The following SSH2 variants were observed in gnomAD, a reference collection of about 807,000 sequenced individuals.
SSH2 encodes protein phosphatase Slingshot homolog 2.
In SSH2, 37 loss-of-function variants were observed where a neutral mutation model predicts 135.2. That is an observed-to-expected ratio of 0.27 (90% confidence interval 0.21 to 0.36). The LOEUF is 0.36. Among genes scored for constraint, SSH2 ranks in the 10% least tolerant of loss-of-function variants. SSH2 has a pLI of 1.00. For synonymous variants in SSH2, 628 were observed against 646.2 expected (o/e 0.97, Z 0.43); for missense variants, 1,408 against 1,765.3 (o/e 0.80, Z 3.63).
chr17:29,875,476 ATCTCCTATAG>A (rs1214502336), intron 1 of SSH2, among the ~76,000 whole-genome samples: 1 of 151,914 alleles, frequency 6.6e-6, no homozygotes, highest in African/African-American at 2.4e-5. Flanking sequence ...TTCCATCCTT[ATCTCCTATAG>A]TCTCTTCTCC....
chr17:29,635,591 G>A (rs1031536056), intron 15 of SSH2, among the ~76,000 whole-genome samples: 6 of 151,598 alleles, frequency 4.0e-5, no homozygotes, highest in African/African-American at 9.7e-5. Flanking sequence ...GTATTTTTTA[G>A]TAGAGACGGG....
chr17:29,917,613 A>T (rs1235245572), intron 1 of SSH2, among the ~76,000 whole-genome samples: 2 of 152,196 alleles, frequency 1.3e-5, no homozygotes, highest in African/African-American at 4.8e-5. Flanking sequence ...AAACTATGGC[A>T]GGGCAAATCT....
At chr17:29,841,730 GT>G (rs954500514) in intron 2 of SSH2, among the ~76,000 whole-genome samples, 1 of 151,850 alleles carries the variant, frequency 6.6e-6, no homozygotes, top group Non-Finnish European at 1.5e-5. Flanking sequence ...TTCTTTTTCT[GT>G]TTTTTCTTTT....
intron 3 of SSH2, among the ~76,000 whole-genome samples, chr17:29,768,636 T>C (rs1438307295): frequency 6.6e-6 from 1 of 152,180 alleles, no homozygotes; most frequent in Non-Finnish European, 1.5e-5. Flanking sequence ...ATTTTAAAAT[T>C]ATTTACTTCT....
intron 3 of SSH2, among the ~76,000 whole-genome samples, chr17:29,739,674 A>G (rs2040490993): frequency 6.6e-6 from 1 of 152,228 alleles, no homozygotes; most frequent in South Asian, 2.1e-4. Context: ...CTAATGCTCC[A>G]TCAGATCCTA....
At position 29,675,631 on chromosome 17, in the gene SSH2, C is replaced by CA. The variant is rs1391028247; in HGVS notation, c.614+1188dup. 1.2e-4 allele frequency among the ~76,000 whole-genome samples: 18 copies of CA among 150,768 alleles called. 1 individual carries two copies. The South Asian group carries it at 2.1e-3, about 18-fold the overall frequency. ...CAACACAGAGAGACCCCCGTCTCCA[C>CA]AAAAAAAATTAAAAAAAAAATTAGC... On this transcript the variant is annotated intron_variant, in intron 8 of 15. Coordinates refer to ENST00000540801, the MANE Select transcript of SSH2 (RefSeq NM_001282129.2).
At chr17:29,675,435 G>T (rs762890969) in intron 8 of SSH2, among the ~76,000 whole-genome samples, 10 of 152,116 alleles carry the variant, frequency 6.6e-5, no homozygotes, top group Non-Finnish European at 1.3e-4. Flanking sequence ...ACTGGGGAAT[G>T]GATTCTGAAT....
chr17:29,760,470 A>T (rs1318973970), intron 3 of SSH2, among the ~76,000 whole-genome samples: 1 of 152,282 alleles, frequency 6.6e-6, no homozygotes, highest in East Asian at 1.9e-4. Flanking sequence ...CAGCACACAC[A>T]CTTCTCAGAA....
chr17:29,783,832 CGAG>C, intron 3 of SSH2, among the ~76,000 whole-genome samples: 1 of 151,312 alleles, frequency 6.6e-6, no homozygotes, highest in Non-Finnish European at 1.5e-5. Context: ...TTTGGGAGGC[CGAG>C]GCGGGCGGAT....
intron 14 of SSH2, chr17:29,641,781 G>T (rs948648565): frequency 6.6e-6 from 1 of 151,950 alleles, no homozygotes; most frequent in Non-Finnish European, 1.5e-5. Flanking sequence ...TACGTGTTTG[G>T]TGAAACATCA....
At position 29,920,428 on chromosome 17, in the gene SSH2, A is replaced by G. The variant is rs2066956172; in HGVS notation, c.63+9510T>C. ...CTAGTTTAAAGTTTATTTTCTATGC[A>G]TGCAATTTAATAAATACTAAGTAAT... On this transcript the variant is annotated intron_variant, in intron 1 of 15. Coordinates refer to ENST00000540801, the MANE Select transcript of SSH2 (RefSeq NM_001282129.2). Among the ~76,000 whole-genome samples, 5 of 152,248 alleles carry G rather than the reference A, an allele frequency of 3.3e-5. No homozygotes were observed. In the South Asian group the frequency reaches 1.0e-3, roughly 31 times the overall value.
chr17:29,897,458 C>CA (rs2066466734), intron 1 of SSH2, among the ~76,000 whole-genome samples: 1 of 151,492 alleles, frequency 6.6e-6, no homozygotes, highest in South Asian at 2.1e-4. Context: ...AAATGGAAAA[C>CA]AAAAAAAGGC....
chr17:29,904,403 CAT>C (rs536223662), intron 1 of SSH2, among the ~76,000 whole-genome samples: 21 of 152,172 alleles, frequency 1.4e-4, no homozygotes, highest in Non-Finnish European at 2.6e-4. Context: ...ACAAAAACCA[CAT>C]GATTTTCTCA....
chr17:29,871,383 T>C (rs1014014830), intron 1 of SSH2, among the ~76,000 whole-genome samples: 3 of 152,202 alleles, frequency 2.0e-5, no homozygotes, highest in Admixed American at 1.3e-4. Flanking sequence ...TTCTGGAACA[T>C]TGGACTCAGA....
intron 11 of SSH2, among the ~76,000 whole-genome samples, chr17:29,658,345 C>T (rs980586273): frequency 1.3e-5 from 2 of 151,976 alleles, no homozygotes; most frequent in African/African-American, 2.4e-5. Flanking sequence ...TTATGATGCC[C>T]AGGCTGGAGC....
At chr17:29,928,924 A>G (rs2151496182) in intron 1 of SSH2, among the ~76,000 whole-genome samples, 1 of 152,330 alleles carries the variant, frequency 6.6e-6, no homozygotes, top group African/African-American at 2.4e-5. Flanking sequence ...AGGAAGTTCA[A>G]GGTGGTTTTC....
At chr17:29,792,329 G>A (rs1052059778) in intron 3 of SSH2, among the ~76,000 whole-genome samples, 1 of 152,094 alleles carries the variant, frequency 6.6e-6, no homozygotes, top group Non-Finnish European at 1.5e-5. Context: ...TATAAAGCTT[G>A]AAATTGACTC....
At chr17:29,811,336 C>T (rs372264240) in intron 2 of SSH2, among the ~76,000 whole-genome samples, 65 of 151,776 alleles carry the variant, frequency 4.3e-4, no homozygotes, top group African/African-American at 1.0e-3. Flanking sequence ...TTATATATTA[C>T]GTAATATATA....
intron 2 of SSH2, among the ~76,000 whole-genome samples, chr17:29,806,574 TACTA>T (rs2042350057): frequency 6.6e-6 from 1 of 152,218 alleles, no homozygotes; most frequent in African/African-American, 2.4e-5. Context: ...GATACAGCTG[TACTA>T]ACTGTTAAAA....
Sources: gnomAD v4.1 joint callset for allele counts (sites outside exome capture counted in the v4.1 genomes callset) on GRCh38, gnomAD v4.1.1 for gene constraint, MANE v1.5 for transcripts, NCBI Gene and HGNC (gene_info 2026-07-23, HGNC 2026-07-21) for gene names.